DLG2: variants seen among roughly 807,000 people sequenced by gnomAD.
The protein encoded by DLG2 is disks large homolog 2.
A neutral mutation model predicts 132.5 loss-of-function variants in DLG2; 45 were observed. That is an observed-to-expected ratio of 0.34 (90% CI 0.27 to 0.44). The LOEUF (loss-of-function observed/expected upper bound fraction) is 0.44, where lower values mean the gene tolerates loss of function less well. Among genes scored for constraint, DLG2 ranks in the 20% least tolerant of loss-of-function variants. The probability of loss-of-function intolerance (pLI) is 1.00; values close to 1 mark genes in which losing one functional copy is unlikely to be tolerated. For synonymous variants in DLG2, 424 were observed against 419.6 expected (o/e 1.01, Z -0.13); for missense variants, 1,045 against 1,196.9 (o/e 0.87, Z 1.87).
chr11:84,615,818 T>TAAAAAAAAAAAAAAAAAAAAAAAAAAAAA (rs559199428), intron 6 of DLG2, among the ~76,000 whole-genome samples: 41 of 67,608 alleles, frequency 6.1e-4, no homozygotes, highest in Admixed American at 7.1e-4. Context: ...ACAAAAACGG[T>TAAAAAAAAAAAAAAAAAAAAAAAAAAAAA]AAAAAAAAAA....
chr11:84,111,948 T>C (rs1380801660), intron 9 of DLG2, among the ~76,000 whole-genome samples: 1 of 152,226 alleles, frequency 6.6e-6, no homozygotes, highest in Non-Finnish European at 1.5e-5. Flanking sequence ...TTCCTCATTT[T>C]CTATTGACCA....
chr11:83,594,357 A>G (rs996402349), intron 19 of DLG2, among the ~76,000 whole-genome samples: 1 of 152,232 alleles, frequency 6.6e-6, no homozygotes, highest in African/African-American at 2.4e-5. Context: ...TTATGTGTGA[A>G]GCTAATTTAA....
At chr11:84,300,846 C>A (rs2098143174) in intron 7 of DLG2, among the ~76,000 whole-genome samples, 1 of 152,200 alleles carries the variant, frequency 6.6e-6, no homozygotes, top group African/African-American at 2.4e-5. Flanking sequence ...TTCATACACT[C>A]TTCAAATGGG....
rs375936911 is a variant in DLG2, at chr11:83,613,334, ACACT to A, written c.1940+19873_1940+19876del. 5.8e-4 allele frequency among the ~76,000 whole-genome samples: 89 copies of A among 152,344 alleles called. 1 individual carries two copies. Among genetic ancestry groups the A allele is most frequent in the African/African-American group, 2.0e-3 (82 of 41,584 alleles). On this transcript the variant is annotated intron_variant, in intron 19 of 27. Transcript: ENST00000376104. ...CACATGTGCACACACACATATGCGC[ACACT>A]CAAACTATTAATATGTTCTTTGGCG...
At chr11:84,485,564 G>A (rs2099148556) in intron 7 of DLG2, among the ~76,000 whole-genome samples, 2 of 152,130 alleles carry the variant, frequency 1.3e-5, no homozygotes, top group African/African-American at 2.4e-5. Flanking sequence ...AGACAGATAT[G>A]GCACTACAGA....
chr11:83,762,431 C>T (rs555597858), intron 18 of DLG2, among the ~76,000 whole-genome samples: 2 of 152,294 alleles, frequency 1.3e-5, no homozygotes, highest in African/African-American at 4.8e-5. Flanking sequence ...ATTCTAGCAT[C>T]ACCTCACATT....
intron 7 of DLG2, among the ~76,000 whole-genome samples, chr11:84,508,078 T>C (rs2099246697): frequency 6.6e-6 from 1 of 152,206 alleles, no homozygotes; most frequent in Admixed American, 6.5e-5. Context: ...TTTCCTCCCC[T>C]GATCAAAGTT....
intron 7 of DLG2, among the ~76,000 whole-genome samples, chr11:84,522,132 C>A (rs1439575396): frequency 6.6e-6 from 1 of 151,530 alleles, no homozygotes; most frequent in Non-Finnish European, 1.5e-5. Flanking sequence ...CATGCCACTG[C>A]ACTCCAGCCT....
chr11:84,298,245 C>T (rs189738092), intron 7 of DLG2, among the ~76,000 whole-genome samples: 17 of 152,186 alleles, frequency 1.1e-4, no homozygotes, highest in Middle Eastern at 3.4e-3. Flanking sequence ...TGAACATGGG[C>T]GTTTCCATTC....
chr11:84,612,171 T>C (rs530167335), intron 6 of DLG2, among the ~76,000 whole-genome samples: 118 of 152,268 alleles, frequency 7.7e-4, no homozygotes, highest in Non-Finnish European at 1.2e-3. Context: ...GAGGGAAGTA[T>C]AGGGTATGTA....
rs61909103 is a variant in DLG2 at position 85,012,264 on chromosome 11, C to T, written c.357+99397G>A. Among the ~76,000 whole-genome samples the T allele has an allele frequency of 4.0e-5, 3 of 74,098 alleles. 1 individual carries two copies. Among genetic ancestry groups the T allele is most frequent in the Non-Finnish European group, 7.0e-5 (3 of 42,642 alleles). The allele number at this position is 74,098 out of a possible 152,430, so 48.6% of individuals were successfully genotyped here. On this transcript the variant is annotated intron_variant, in intron 6 of 27. Transcript: ENST00000376104. Reference sequence around the variant, plus strand: ...AGATATGGCCGGGCGCAGTGGCTCACGCCTGTAATCCCAGCACTTTGGGAA... The same window carrying T: ...AGATATGGCCGGGCGCAGTGGCTCATGCCTGTAATCCCAGCACTTTGGGAA...
At chr11:83,779,930 T>C (rs896313) in intron 18 of DLG2, among the ~76,000 whole-genome samples, 59,040 of 152,014 alleles carry the variant, frequency 0.39, 11,787 homozygotes, top group Middle Eastern at 0.59. Context: ...GAATTTGCAC[T>C]AGAAAACTGG....
chr11:85,252,852 G>T (rs1194245708), intron 4 of DLG2, among the ~76,000 whole-genome samples: 1 of 151,996 alleles, frequency 6.6e-6, no homozygotes, highest in Non-Finnish European at 1.5e-5. Context: ...TACCAAGAAG[G>T]GTTTGAATAA....
At chr11:83,881,484 C>T (rs75269677) in intron 15 of DLG2, among the ~76,000 whole-genome samples, 11,150 of 152,188 alleles carry the variant, frequency 0.073, 536 homozygotes, top group African/African-American at 0.13. Flanking sequence ...TATAGAATTT[C>T]ACTATTTCAT....
At chr11:84,059,962 A>G in intron 10 of DLG2, among the ~76,000 whole-genome samples, 1 of 152,328 alleles carries the variant, frequency 6.6e-6, no homozygotes, top group African/African-American at 2.4e-5. Flanking sequence ...TCATTTTCAA[A>G]TATCTGAAAA....
Position 83,891,273 on chromosome 11 carries a change from G to T in DLG2, c.1497-16785C>A, listed in dbSNP as rs534222457. Among the ~76,000 whole-genome samples, 72 of 152,104 alleles carry T rather than the reference G, an allele frequency of 4.7e-4. No individual in the cohort carries two copies. In the East Asian group the frequency reaches 0.01, roughly 22 times the overall value. On this transcript the variant is annotated intron_variant, in intron 15 of 27. Coordinates refer to ENST00000376104, the MANE Select transcript of DLG2 (RefSeq NM_001142699.3). ...GTAACACAGAAAAAAAGACTAAGAAGGAGAGAATTGAGAGGATGCATGAGG... is the reference window on the plus strand; with the variant it reads ...GTAACACAGAAAAAAAGACTAAGAATGAGAGAATTGAGAGGATGCATGAGG...
At chr11:83,526,235 C>A (rs765223865) in intron 21 of DLG2, among the ~76,000 whole-genome samples, 6 of 152,196 alleles carry the variant, frequency 3.9e-5, no homozygotes, top group Admixed American at 6.5e-5. Context: ...ATAGTCCTCT[C>A]TGATCTCTTT....
intron 18 of DLG2, among the ~76,000 whole-genome samples, chr11:83,757,881 A>C (rs2093719457): frequency 6.6e-6 from 1 of 151,906 alleles, no homozygotes; most frequent in Non-Finnish European, 1.5e-5. Context: ...TCCTATAACC[A>C]CCTGTAGAAA....
At chr11:85,571,754 T>C (rs1263306652) in intron 3 of DLG2, among the ~76,000 whole-genome samples, 1 of 152,204 alleles carries the variant, frequency 6.6e-6, no homozygotes, top group Non-Finnish European at 1.5e-5. Context: ...ACCTGAAGTG[T>C]TATCTATTGC....
Sources: allele counts gnomAD v4.1 joint callset (sites outside exome capture counted in the v4.1 genomes callset), GRCh38; gene constraint gnomAD v4.1.1; transcripts MANE v1.5; gene names NCBI Gene and HGNC (gene_info 2026-07-23, HGNC 2026-07-21).